The following ACTL6A variants were observed in gnomAD, a reference collection of about 807,000 sequenced individuals.
ACTL6A encodes the protein actin like 6A.
A neutral mutation model predicts 59.2 loss-of-function variants in ACTL6A; 5 were observed. That is an observed-to-expected ratio of 0.08 (90% CI 0.04 to 0.18). The LOEUF is 0.18. ACTL6A is among the 10% of genes least tolerant of loss of function. The pLI is 1.00. For synonymous variants in ACTL6A, 154 were observed against 171.8 expected (o/e 0.90, Z 0.81); for missense variants, 285 against 526.9 (o/e 0.54, Z 4.49).
At position 179,576,904 on chromosome 3, in the gene ACTL6A, T is replaced by C; in HGVS notation, c.759T>C (p.Tyr253=). The C allele has an allele frequency of 3.1e-6, 5 of 1,613,182 alleles. No homozygotes were observed. Among genetic ancestry groups the C allele is most frequent in the Non-Finnish European group, 4.2e-6 (5 of 1,179,450 alleles). Residue 253 remains tyrosine, a synonymous_variant, in exon 8 of 14, where the codon TAT becomes TAC. Coordinates refer to ENST00000429709, the MANE Select transcript of ACTL6A (RefSeq NM_004301.5). ...LPQVTRSWHN[Y]MCNCVIQDFQ... ...AGGTTACGAGGTCTTGGCACAATTA[T>C]ATGTGTAATGTAAGTAACCCTCATT...
chr3:179,579,453 T>TAC (rs1477872220), intron 8 of ACTL6A, among the ~76,000 whole-genome samples: 12 of 55,278 alleles, frequency 2.2e-4, no homozygotes, highest in South Asian at 1.1e-3. Flanking sequence ...ATTTATATCA[T>TAC]ATACACACAC....
intron 5 of ACTL6A, chr3:179,575,165 T>C: frequency 2.9e-6 from 1 of 344,160 alleles, no homozygotes; most frequent in South Asian, 2.3e-5. Context: ...TCTAAAGTGC[T>C]AGTCTGCTTT....
At chr3:179,573,902 T>A (rs1360313944) in intron 4 of ACTL6A, among the ~76,000 whole-genome samples, 9 of 152,164 alleles carry the variant, frequency 5.9e-5, no homozygotes, top group Non-Finnish European at 5.9e-5. Context: ...ATACATTTGG[T>A]ACATAGACAA....
chr3:179,564,953 G>A (rs1169982387), intron 1 of ACTL6A, among the ~76,000 whole-genome samples: 1 of 148,826 alleles, frequency 6.7e-6, no homozygotes, highest in Non-Finnish European at 1.5e-5. Context: ...TCCCACCTCA[G>A]CCTCCCAAAG....
In ACTL6A at chr3:179,588,066, G is replaced by A; in HGVS notation, c.*56G>A. On this transcript the variant is annotated 3_prime_UTR_variant, in exon 14 of 14. Transcript: ENST00000429709. ...TGTCACCTTACGTTTCATAGCTTTAGTATACTCAGGAAAAGAATGACCATC... is the reference window on the plus strand; with the variant it reads ...TGTCACCTTACGTTTCATAGCTTTAATATACTCAGGAAAAGAATGACCATC... The A allele has an allele frequency of 7.7e-7, 1 of 1,293,954 alleles. No individual in the cohort carries two copies. The highest frequency in any genetic ancestry group is 2.5e-5 in the East Asian group (1 of 39,864). The allele number at this position is 1,293,954 out of a possible 1,614,324, so 80.2% of individuals were successfully genotyped here.
intron 1 of ACTL6A, among the ~76,000 whole-genome samples, chr3:179,565,606 A>G (rs1303556733): frequency 6.6e-6 from 1 of 151,956 alleles, no homozygotes; most frequent in African/African-American, 2.4e-5. Context: ...GGGATGATGG[A>G]GGAGGAGTGG....
Position 179,581,233 on chromosome 3 carries a change from C to T in ACTL6A, c.1026+13C>T, listed in dbSNP as rs1019611272. 1.2e-6 allele frequency: 2 copies of T among 1,602,222 alleles called. No homozygotes were observed. The highest frequency in any genetic ancestry group is 1.7e-5 in the Admixed American group (1 of 60,002). The stretch of plus-strand genomic sequence containing the variant: ...TGACATCAGACCAGTAAGTGCCAGT[C>T]TCCTGTTACGGTTTAAAGGTATCTT... On this transcript the variant is annotated intron_variant, in intron 11 of 13. Transcript: ENST00000429709.
intron 6 of ACTL6A, 102 bp from the exon 7 acceptor site, chr3:179,576,518 T>C (rs1718170196): frequency 1.0e-6 from 1 of 956,356 alleles, no homozygotes; most frequent in African/African-American, 1.6e-5. Context: ...TTCAGTTCAT[T>C]CTACCTGAAA....
Position 179,570,421 on chromosome 3 carries a change from A to T in ACTL6A, c.277+180A>T. ...AGATGCATAAGAAATGTTCCTTTTC[A>T]TTAAAAGCTTACAGTTAGTTGGGGG... On this transcript the variant is annotated intron_variant, in intron 3 of 13. Transcript: ENST00000429709. This position sits in a 1 kb window ranked among gnomAD's most constrained non-coding sequence, Gnocchi z 4.3. The T allele has an allele frequency of 1.7e-6, 1 of 573,244 alleles. No homozygotes were observed. Among genetic ancestry groups the T allele is most frequent in the Non-Finnish European group, 2.9e-6 (1 of 340,536 alleles). The allele number at this position is 573,244 out of a possible 1,614,324, so 35.5% of individuals were successfully genotyped here.
rs970479485 is a variant in ACTL6A, at chr3:179,563,234, C to G, written c.25+117C>G. On this transcript the variant is annotated intron_variant, in intron 1 of 13. Coordinates refer to ENST00000429709, the MANE Select transcript of ACTL6A (RefSeq NM_004301.5). The stretch of plus-strand genomic sequence containing the variant: ...TTCCGGTCTCCCCCTCTCGGGACCC[C>G]GGCCTCCCCGCCCCGTCCCCGCCCC... The G allele has an allele frequency of 4.7e-5, 68 of 1,457,862 alleles. No individual in the cohort carries two copies. In the East Asian group the frequency reaches 1.7e-3, roughly 36 times the overall value. The allele number at this position is 1,457,862 out of a possible 1,614,324, so 90.3% of individuals were successfully genotyped here. A position where few individuals can be genotyped will look rare whatever the true frequency, so the allele number is the denominator to read the frequency against.
intron 1 of ACTL6A, 151 bp from the exon 2 acceptor site, chr3:179,569,673 A>G (rs1166606186): frequency 1.5e-6 from 1 of 673,026 alleles, no homozygotes; most frequent in Non-Finnish European, 2.5e-6. Flanking sequence ...TATGTCTACA[A>G]AAAATTTAAG....
intron 12 of ACTL6A, 58 bp from the exon 13 acceptor site, chr3:179,586,488 A>C (rs1718494600): frequency 8.3e-7 from 1 of 1,211,866 alleles, no homozygotes; most frequent in African/African-American, 1.6e-5. Context: ...AAAAAAAAAG[A>C]ATTTTCTAAG....
intron 13 of ACTL6A, 84 bp from the exon 14 acceptor site, chr3:179,587,846 C>T: frequency 2.0e-6 from 2 of 1,014,290 alleles, no homozygotes; most frequent in East Asian, 2.7e-5. Context: ...CAGAGCAAGA[C>T]CTTCTCTCAA....
chr3:179,580,386 C>T lies in ACTL6A; in HGVS notation c.769-254C>T, dbSNP rs58468760. On this transcript the variant is annotated intron_variant, in intron 8 of 13. Transcript: ENST00000429709. ...GAACTGTGGTGCAGGGGTTCCTGCA[C>T]CTGCAGTTATTTATCTCTCATTTCA... 9.6e-3 allele frequency among the ~76,000 whole-genome samples: 1,461 copies of T among 152,158 alleles called. 25 individuals are homozygous for T. Among genetic ancestry groups the T allele is most frequent in the African/African-American group, 0.033 (1,389 of 41,514 alleles).
At chr3:179,579,592 A>G (rs925825719) in intron 8 of ACTL6A, among the ~76,000 whole-genome samples, 4 of 152,014 alleles carry the variant, frequency 2.6e-5, no homozygotes, top group African/African-American at 9.7e-5. Flanking sequence ...GTTCAAGACT[A>G]TCCTGGCCAA....
At chr3:179,576,382 T>G (rs1718166114) in intron 6 of ACTL6A, 71 bp downstream of exon 6, 2 of 1,181,990 alleles carry the variant, frequency 1.7e-6, no homozygotes, top group African/African-American at 3.1e-5. Flanking sequence ...TGAAATAAAA[T>G]GATGAGTAGC....
In ACTL6A at chr3:179,576,901, T is replaced by C; in HGVS notation, c.756T>C (p.Asn252=). ...KLPQVTRSWH[N]YMCNCVIQDF... ...CTCAGGTTACGAGGTCTTGGCACAA[T>C]TATATGTGTAATGTAAGTAACCCTC... Residue 252 remains asparagine (N), a synonymous_variant, in exon 8 of 14, where the codon AAT becomes AAC. Coordinates refer to ENST00000429709, the MANE Select transcript of ACTL6A (RefSeq NM_004301.5). 1 of 1,613,274 alleles carries C rather than the reference T, an allele frequency of 6.2e-7. No homozygotes were observed. The highest frequency in any genetic ancestry group is 8.5e-7 in the Non-Finnish European group (1 of 1,179,542).
At chr3:179,576,582 C>T (rs1718172790) in intron 6 of ACTL6A, 38 bp from the exon 7 acceptor site, 4 of 1,517,238 alleles carry the variant, frequency 2.6e-6, no homozygotes, top group Middle Eastern at 1.7e-4. Context: ...GAAGTTTGGA[C>T]TTACTGCCCT....
chr3:179,579,941 ATT>A (rs1470328194), intron 8 of ACTL6A, among the ~76,000 whole-genome samples: 1 of 152,010 alleles, frequency 6.6e-6, no homozygotes, highest in African/African-American at 2.4e-5. Context: ...TGCCTGGCTA[ATT>A]TTTTATTTTT....
Sources: allele counts gnomAD v4.1 joint callset (sites outside exome capture counted in the v4.1 genomes callset), GRCh38; gene constraint gnomAD v4.1.1; non-coding constraint Gnocchi (gnomAD v3.1); transcripts MANE v1.5; gene names NCBI Gene and HGNC (gene_info 2026-07-23, HGNC 2026-07-21).